The following ZNRF1 variants were observed in gnomAD, a reference collection of about 807,000 sequenced individuals.
ZNRF1 encodes the protein zinc and ring finger 1.
In ZNRF1, 3 loss-of-function variants were observed where a neutral mutation model predicts 18.4. The ratio of observed to expected loss-of-function variants is 0.16; its 90% CI spans 0.07 to 0.42. The LOEUF is 0.42. ZNRF1 is among the 10% of genes least tolerant of loss of function. The probability of loss-of-function intolerance (pLI) is 0.99; values close to 1 mark genes in which losing one functional copy is unlikely to be tolerated. For missense variants in ZNRF1, 310 were observed against 329.8 expected (o/e 0.94, Z 0.47); for synonymous variants, 157 against 144.2 (o/e 1.09, Z -0.64).
chr16:75,065,930 GACTTTT>G (rs530551777), intron 1 of ZNRF1, among the ~76,000 whole-genome samples: 1 of 152,320 alleles, frequency 6.6e-6, no homozygotes, highest in East Asian at 1.9e-4. Flanking sequence ...TCTCTCAGGT[GACTTTT>G]TCCAAGTCCT....
intron 1 of ZNRF1, among the ~76,000 whole-genome samples, chr16:75,053,075 C>T (rs1426885056): frequency 6.6e-6 from 1 of 152,140 alleles, no homozygotes; most frequent in East Asian, 1.9e-4. Flanking sequence ...AATTCCTGCC[C>T]TAGGTAGGCT....
intron 1 of ZNRF1, among the ~76,000 whole-genome samples, chr16:75,061,122 T>A (rs1488344899): frequency 6.6e-6 from 1 of 152,158 alleles, no homozygotes; most frequent in African/African-American, 2.4e-5. Flanking sequence ...GAATGGGGTA[T>A]CCATCCCCTC....
At chr16:75,026,027 G>C (rs565729573) in intron 1 of ZNRF1, among the ~76,000 whole-genome samples, 9 of 152,208 alleles carry the variant, frequency 5.9e-5, no homozygotes, top group Non-Finnish European at 1.2e-4. Flanking sequence ...ACATCTGTCT[G>C]GGATAGGATC....
At chr16:75,058,185 C>G (rs1034931689) in intron 1 of ZNRF1, among the ~76,000 whole-genome samples, 7 of 149,668 alleles carry the variant, frequency 4.7e-5, no homozygotes, top group Non-Finnish European at 1.0e-4. Flanking sequence ...GTTGTCCAGG[C>G]TGATCTCGAA....
intron 1 of ZNRF1, among the ~76,000 whole-genome samples, chr16:75,075,147 G>A (rs1421893035): frequency 6.6e-6 from 1 of 152,170 alleles, no homozygotes; most frequent in Admixed American, 6.5e-5. Context: ...TTCATTGTTG[G>A]TGGGAGGAAT....
chr16:75,069,257 T>C (rs1597893243), intron 1 of ZNRF1, among the ~76,000 whole-genome samples: 1 of 152,002 alleles, frequency 6.6e-6, no homozygotes, highest in African/African-American at 2.4e-5. Context: ...GGCAGGGGGG[T>C]TATTTTTTCC....
At chr16:75,089,513 A>G (rs2036111496) in intron 1 of ZNRF1, among the ~76,000 whole-genome samples, 1 of 152,160 alleles carries the variant, frequency 6.6e-6, no homozygotes, top group South Asian at 2.1e-4. Flanking sequence ...CTCTTCCTAC[A>G]CCAGTGGTGC....
At chr16:75,067,694 G>A (rs557242080) in intron 1 of ZNRF1, among the ~76,000 whole-genome samples, 1 of 152,298 alleles carries the variant, frequency 6.6e-6, no homozygotes, top group South Asian at 2.1e-4. Context: ...GGGGCACCAT[G>A]AATCAATGGG....
intron 1 of ZNRF1, among the ~76,000 whole-genome samples, chr16:75,072,579 C>T (rs1229922121): frequency 6.6e-6 from 1 of 152,182 alleles, no homozygotes; most frequent in Non-Finnish European, 1.5e-5. Flanking sequence ...TGGATTCAGC[C>T]TTCAGTGTCC....
chr16:75,023,500 A>G (rs1466043616), intron 1 of ZNRF1, among the ~76,000 whole-genome samples: 1 of 152,180 alleles, frequency 6.6e-6, no homozygotes, highest in Admixed American at 6.5e-5. Context: ...CCTGGCCAAC[A>G]TGGCCAAACC....
At chr16:75,015,010 G>C (rs1259840098) in intron 1 of ZNRF1, among the ~76,000 whole-genome samples, 1 of 151,856 alleles carries the variant, frequency 6.6e-6, no homozygotes, top group Non-Finnish European at 1.5e-5. Flanking sequence ...TTTCTTACTG[G>C]TTTGTACGAA....
intron 1 of ZNRF1, among the ~76,000 whole-genome samples, chr16:75,036,820 C>T (rs939883465): frequency 3.3e-5 from 5 of 152,136 alleles, no homozygotes; most frequent in African/African-American, 7.2e-5. Context: ...TTAATTCCCT[C>T]GGCCACTCTG....
chr16:75,005,043 G>C (rs1597852166), intron 1 of ZNRF1, among the ~76,000 whole-genome samples: 1 of 152,184 alleles, frequency 6.6e-6, no homozygotes, highest in South Asian at 2.1e-4. Context: ...AGAATTGCCA[G>C]CTCCCTTGGA....
At chr16:75,084,894 G>T (rs1459011268) in intron 1 of ZNRF1, among the ~76,000 whole-genome samples, 1 of 152,120 alleles carries the variant, frequency 6.6e-6, no homozygotes, top group Non-Finnish European at 1.5e-5. Flanking sequence ...TCAAACGTTT[G>T]GAAAAGTTGG....
At chr16:75,020,283 G>A (rs939270771) in intron 1 of ZNRF1, among the ~76,000 whole-genome samples, 8 of 151,262 alleles carry the variant, frequency 5.3e-5, no homozygotes, top group Non-Finnish European at 1.0e-4. Context: ...TTTTCTCTAT[G>A]TCCTAATGTC....
chr16:75,004,569 C>G (rs1567462616), intron 1 of ZNRF1, among the ~76,000 whole-genome samples: 1 of 152,186 alleles, frequency 6.6e-6, no homozygotes, highest in Non-Finnish European at 1.5e-5. Context: ...TTATTGTCAT[C>G]AAGCCATCAA....
intron 1 of ZNRF1, among the ~76,000 whole-genome samples, chr16:75,014,977 G>A (rs112131096): frequency 3.9e-5 from 6 of 152,130 alleles, no homozygotes; most frequent in African/African-American, 1.4e-4. Context: ...TTTGATTCAT[G>A]TTTATATTGG....
chr16:75,036,821 G>A (rs1036900995), intron 1 of ZNRF1, among the ~76,000 whole-genome samples: 6 of 152,094 alleles, frequency 3.9e-5, no homozygotes, highest in Non-Finnish European at 7.4e-5. Context: ...TAATTCCCTC[G>A]GCCACTCTGA....
intron 1 of ZNRF1, among the ~76,000 whole-genome samples, chr16:75,040,440 T>C (rs1381541581): frequency 6.6e-6 from 1 of 151,828 alleles, no homozygotes; most frequent in African/African-American, 2.4e-5. Flanking sequence ...AGAAAGTTCC[T>C]ATGCCTGTTT....
Sources: gnomAD v4.1 joint callset for allele counts (sites outside exome capture counted in the v4.1 genomes callset) on GRCh38, gnomAD v4.1.1 for gene constraint, MANE v1.5 for transcripts, NCBI Gene and HGNC (gene_info 2026-07-23, HGNC 2026-07-21) for gene names.